The following PLEKHA6 variants were observed in gnomAD, a reference collection of about 807,000 sequenced individuals.
PLEKHA6 encodes pleckstrin homology domain-containing family A member 6.
In PLEKHA6, 60 loss-of-function variants were observed where a neutral mutation model predicts 116.7. The ratio of observed to expected loss-of-function variants is 0.51; its 90% CI spans 0.42 to 0.64. The LOEUF (loss-of-function observed/expected upper bound fraction) is 0.64. PLEKHA6 is among the 30% of genes least tolerant of loss of function. PLEKHA6 has a pLI of 0.00. For synonymous variants in PLEKHA6, 489 were observed against 556.1 expected (o/e 0.88, Z 1.70); for missense variants, 1,338 against 1,422.7 (o/e 0.94, Z 0.96).
chr1:204,229,011 G>A lies in PLEKHA6; in HGVS notation c.2677C>T (p.Pro893Ser), dbSNP rs1185087347. 1.2e-6 allele frequency: 2 copies of A among 1,614,176 alleles called. No homozygotes were observed. The highest frequency in any genetic ancestry group is 1.7e-5 in the Admixed American group (1 of 60,024). Residue 893 changes from proline to serine, a missense_variant, in exon 19 of 23, where the codon CCC (proline) becomes TCC (serine). Transcript: ENST00000272203. Reference protein sequence around the residue: ...EEPGGHAYETPREEIARLRKM... With the variant: ...EEPGGHAYETSREEIARLRKM... ...CGAAGCCGGGCAATTTCCTCCCGGG[G>A]TGTCTCGTAGGCATGCCCGCCAGGC...
chr1:204,245,676 G>A lies in PLEKHA6; in HGVS notation c.1971C>T (p.Asp657=), dbSNP rs61739301. ...TGTTCTTCCTCAGCCCCTCCATCAC[G>A]TCCTGGATCCTCCAGATCTCCTTTT... ...QIQKEIWRIQ[D]VMEGLRKNNP... is the part of the protein sequence containing the mutation. The change falls in exon 14 of 23, where the codon GAC becomes GAT. Residue 657 remains aspartate, a synonymous_variant. Transcript: ENST00000272203. 4,211 of 1,613,664 alleles carry A rather than the reference G, an allele frequency of 2.6e-3. 6 individuals carry two copies. The highest frequency in any genetic ancestry group is 3.3e-3 in the Non-Finnish European group (3,840 of 1,179,756).
intron 21 of PLEKHA6, among the ~76,000 whole-genome samples, chr1:204,225,787 A>T (rs987543510): frequency 6.6e-6 from 1 of 152,206 alleles, no homozygotes; most frequent in Non-Finnish European, 1.5e-5. Context: ...CTACATTTGT[A>T]CTCAAACCTT....
At chr1:204,344,188 T>C (rs539121840) in intron 1 of PLEKHA6, among the ~76,000 whole-genome samples, 5 of 152,110 alleles carry the variant, frequency 3.3e-5, no homozygotes, top group Non-Finnish European at 7.4e-5. Flanking sequence ...GCAGAAAATA[T>C]GTAAATGAGC....
intron 17 of PLEKHA6, among the ~76,000 whole-genome samples, chr1:204,235,465 C>G (rs1271283562): frequency 2.6e-5 from 4 of 152,170 alleles, no homozygotes; most frequent in African/African-American, 9.7e-5. Flanking sequence ...GAAGCAGATA[C>G]TGAGCCTCAA....
intron 9 of PLEKHA6, chr1:204,255,500 A>G (rs2102712483): frequency 1.6e-6 from 1 of 631,564 alleles, no homozygotes; most frequent in East Asian, 2.7e-5. Context: ...AACATAAGCC[A>G]CTTTGTTGTG....
chr1:204,293,707 T>C (rs1669993949), intron 1 of PLEKHA6, among the ~76,000 whole-genome samples: 1 of 152,226 alleles, frequency 6.6e-6, no homozygotes, highest in Non-Finnish European at 1.5e-5. Context: ...CCGAGTTTTT[T>C]GGCACCCATT....
Position 204,346,637 on chromosome 1 carries a change from C to G in PLEKHA6, c.-95+13057G>C. On this transcript the variant is annotated intron_variant, in intron 1 of 22. Transcript: ENST00000272203. Reference sequence around the variant, plus strand: ...AATTCTAATTCTGATTCCTCCCTCACTTCCCAATGTGGCCATGGGTAAGTG... The same window carrying G: ...AATTCTAATTCTGATTCCTCCCTCAGTTCCCAATGTGGCCATGGGTAAGTG... 11 of 644,168 alleles carry G rather than the reference C, an allele frequency of 1.7e-5. No individual in the cohort carries two copies. In the South Asian group the frequency reaches 2.0e-4, roughly 12 times the overall value. The allele number at this position is 644,168 out of a possible 1,614,324, so 39.9% of individuals were successfully genotyped here.
intron 13 of PLEKHA6, 121 bp from the exon 14 acceptor site, chr1:204,245,847 TACACACACAC>T (rs58927549): frequency 2.1e-3 from 1,143 of 544,890 alleles, no homozygotes; most frequent in East Asian, 3.1e-3. Flanking sequence ...GCACCCTGTG[TACACACACAC>T]ACACACACAC....
chr1:204,370,330 C>T (rs1225113372), intron 2 of PLEKHA6, among the ~76,000 whole-genome samples: 13 of 152,244 alleles, frequency 8.5e-5, no homozygotes, highest in African/African-American at 2.9e-4. Flanking sequence ...CAGCTGTGCC[C>T]ATGATTGACG....
In PLEKHA6 at chr1:204,257,708, T is replaced by C. The variant is rs1468211333; in HGVS notation, c.1169A>G (p.Glu390Gly). The change falls in exon 9 of 23, where the codon GAG (glutamate) becomes GGG (glycine). Residue 390 changes from glutamate to glycine, a missense_variant. By Grantham distance (98) the Glu-to-Gly change is moderately conservative. Transcript: ENST00000272203. The surrounding 1 kb of genome is among the most constrained non-coding windows in gnomAD (Gnocchi z 6.5). ...YDRISPPWAL[E>G]DKRHAFRNGG... ...ATTGCGGAAGGCATGGCGCTTGTCC[T>C]CCAGGGCCCAGGGCGGGCTGATCCG... The C allele has an allele frequency of 6.2e-7, 1 of 1,612,370 alleles. No individual in the cohort carries two copies. The highest frequency in any genetic ancestry group is 8.5e-7 in the Non-Finnish European group (1 of 1,179,454).
intron 10 of PLEKHA6, among the ~76,000 whole-genome samples, chr1:204,250,334 C>T (rs1664363303): frequency 6.7e-6 from 1 of 148,748 alleles, no homozygotes; most frequent in Non-Finnish European, 1.5e-5. Context: ...GGTGGTAGAT[C>T]AGAAAAGAAG....
chr1:204,230,762 TA>T (rs1661075810), intron 17 of PLEKHA6, among the ~76,000 whole-genome samples, 176 bp from the exon 18 acceptor site: 1 of 152,100 alleles, frequency 6.6e-6, no homozygotes, highest in South Asian at 2.1e-4. Context: ...TAACCTTATT[TA>T]GAAATATGAG....
At chr1:204,355,918 G>A (rs747368123) in intron 1 of PLEKHA6, among the ~76,000 whole-genome samples, 66 of 151,772 alleles carry the variant, frequency 4.3e-4, no homozygotes, top group Non-Finnish European at 8.7e-4. Flanking sequence ...CAGATGGATC[G>A]AAGCAATAAA....
intron 1 of PLEKHA6, among the ~76,000 whole-genome samples, chr1:204,313,048 G>T (rs867243360): frequency 4.5e-4 from 43 of 96,516 alleles, no homozygotes; most frequent in South Asian, 1.6e-3. Context: ...CCCTCCCTCT[G>T]TCCCTCCCTC....
At position 204,241,807 on chromosome 1, in the gene PLEKHA6, G is replaced by T; in HGVS notation, c.2180C>A (p.Ala727Glu). The T allele has an allele frequency of 6.2e-7, 1 of 1,614,160 alleles. No individual in the cohort carries two copies. The highest frequency in any genetic ancestry group is 8.5e-7 in the Non-Finnish European group (1 of 1,180,008). ...PTKPGSNEPKANYEQSKKDPH... is the reference protein window; with the variant it reads ...PTKPGSNEPKENYEQSKKDPH... ...GTCTTTCTTGCTTTGTTCATAGTTT[G>T]CCTTGGGCTGGGGAGAAAGGGTGAG... is the stretch of plus-strand genomic sequence containing the variant. Residue 727 changes from alanine to glutamate, a missense_variant, in exon 16 of 23, where the codon GCA (alanine) becomes GAA (glutamate). Around this residue, in one of 3 missense-constraint regions of PLEKHA6, gnomAD observed 1,136 missense variants for 1,163.6 expected, o/e 0.98. Coordinates refer to ENST00000272203, the MANE Select transcript of PLEKHA6 (RefSeq NM_014935.5).
In PLEKHA6 at chr1:204,261,820, G is replaced by C. The variant is rs913609460; in HGVS notation, c.382-372C>G. ...GCAATGACCCCATGTCTGGGAGAGAGGACCCCCTGAGCACATGCCAATCTT... is the reference window on the plus strand; with the variant it reads ...GCAATGACCCCATGTCTGGGAGAGACGACCCCCTGAGCACATGCCAATCTT... On this transcript the variant is annotated intron_variant, in intron 6 of 22. Coordinates refer to ENST00000272203, the MANE Select transcript of PLEKHA6 (RefSeq NM_014935.5). The surrounding 1 kb of genome is among the most constrained non-coding windows in gnomAD (Gnocchi z 4.0). 6 of 376,026 alleles carry C rather than the reference G, an allele frequency of 1.6e-5. No individual in the cohort carries two copies. The highest frequency in any genetic ancestry group is 4.2e-5 in the Admixed American group (1 of 24,008). The allele number at this position is 376,026 out of a possible 1,614,324, so 23.3% of individuals were successfully genotyped here. A position where few individuals can be genotyped will look rare whatever the true frequency, so the allele number is the denominator to read the frequency against.
At chr1:204,327,039 TC>T (rs1383316954) in intron 1 of PLEKHA6, 1 of 983,390 alleles carries the variant, frequency 1.0e-6, no homozygotes, top group East Asian at 1.1e-4. Context: ...TTTCAGCCTC[TC>T]CCCAGTCTCT....
At chr1:204,334,477 C>T (rs1672569411) in intron 1 of PLEKHA6, among the ~76,000 whole-genome samples, 1 of 152,150 alleles carries the variant, frequency 6.6e-6, no homozygotes, top group Non-Finnish European at 1.5e-5. Flanking sequence ...ATAATGATTG[C>T]ATCTATTTAT....
intron 1 of PLEKHA6, among the ~76,000 whole-genome samples, chr1:204,299,886 T>TC (rs542181289): frequency 4.1e-4 from 63 of 152,170 alleles, no homozygotes; most frequent in African/African-American, 1.5e-3. Context: ...CACAGGCCAC[T>TC]CCCCTGCCAG....
Sources: allele counts gnomAD v4.1 joint callset (sites outside exome capture counted in the v4.1 genomes callset), GRCh38; gene constraint gnomAD v4.1.1; regional missense constraint gnomAD v4.1.1; non-coding constraint Gnocchi (gnomAD v3.1); transcripts MANE v1.5; gene names NCBI Gene and HGNC (gene_info 2026-07-23, HGNC 2026-07-21).